SBF2: variants seen among roughly 807,000 people sequenced by gnomAD.
The protein encoded by SBF2 is myotubularin-related protein 13.
SBF2 carries 112 observed loss-of-function variants against 225.2 expected under a neutral mutation model. The ratio of observed to expected loss-of-function variants is 0.50; its 90% CI spans 0.43 to 0.58. The LOEUF (loss-of-function observed/expected upper bound fraction) is 0.58, where lower values mean the gene tolerates loss of function less well. SBF2 is among the 20% of genes least tolerant of loss of function. The pLI, the probability that SBF2 is intolerant of heterozygous loss-of-function variation, is 0.00. For synonymous variants in SBF2, 763 were observed against 773.3 expected (o/e 0.99, Z 0.22); for missense variants, 1,996 against 2,206.2 (o/e 0.90, Z 1.91).
At chr11:10,298,596 G>T (rs1375659982), upstream of SBF2, among the ~76,000 whole-genome samples, 2 of 152,188 alleles carry the variant, frequency 1.3e-5, no homozygotes, top group Non-Finnish European at 2.9e-5. Flanking sequence ...ACCAGGCAGG[G>T]CTGAGGCCTC....
intron 13 of SBF2, among the ~76,000 whole-genome samples, chr11:9,977,264 G>A (rs764555482): frequency 1.1e-4 from 16 of 152,006 alleles, no homozygotes; most frequent in Non-Finnish European, 1.9e-4. Context: ...TAGGAGGACT[G>A]CTTGAGGCTA....
At chr11:10,054,931 A>C (rs1447112966) in intron 2 of SBF2, among the ~76,000 whole-genome samples, 1 of 151,508 alleles carries the variant, frequency 6.6e-6, no homozygotes, top group Non-Finnish European at 1.5e-5. Flanking sequence ...GTTTGTTTTG[A>C]GACAGTCTTG....
At chr11:9,940,778 A>T (rs1177588301) in intron 16 of SBF2, among the ~76,000 whole-genome samples, 1 of 152,212 alleles carries the variant, frequency 6.6e-6, no homozygotes, top group Non-Finnish European at 1.5e-5. Context: ...GCAGCCCAAG[A>T]AGTAAAAAAT....
chr11:9,820,361 T>C (rs560940096), intron 28 of SBF2, among the ~76,000 whole-genome samples: 1 of 152,344 alleles, frequency 6.6e-6, no homozygotes, highest in South Asian at 2.1e-4. Flanking sequence ...GCAGAGGTGC[T>C]GGCTGATGAC....
At chr11:10,137,251 C>T (rs61878654) in intron 2 of SBF2, among the ~76,000 whole-genome samples, 16,364 of 152,196 alleles carry the variant, frequency 0.11, 1,043 homozygotes, top group Non-Finnish European at 0.12. Context: ...ATCTCATAAC[C>T]TGTGAATCTA....
intron 33 of SBF2, among the ~76,000 whole-genome samples, chr11:9,792,545 G>C (rs1852818266): frequency 6.6e-6 from 1 of 152,138 alleles, no homozygotes; most frequent in African/African-American, 2.4e-5. Flanking sequence ...TCCTAAACAA[G>C]GTTTCACTGT....
chr11:10,071,894 T>G (rs1172609106), intron 2 of SBF2, among the ~76,000 whole-genome samples: 1 of 152,192 alleles, frequency 6.6e-6, no homozygotes, highest in African/African-American at 2.4e-5. Context: ...TGGATTTGGT[T>G]TGCCAGTATT....
At chr11:9,824,231 G>C (rs1013619788) in intron 28 of SBF2, among the ~76,000 whole-genome samples, 19 of 152,184 alleles carry the variant, frequency 1.2e-4, no homozygotes, top group African/African-American at 4.6e-4. Context: ...AAGAGTTGGA[G>C]GCCAGTGTTA....
At chr11:9,853,048 T>A (rs1317083882) in intron 20 of SBF2, among the ~76,000 whole-genome samples, 2 of 152,182 alleles carry the variant, frequency 1.3e-5, no homozygotes, top group Non-Finnish European at 2.9e-5. Flanking sequence ...GGGACAGCCA[T>A]ACCATGGAAA....
intron 2 of SBF2, among the ~76,000 whole-genome samples, chr11:10,137,893 G>A (rs555657924): frequency 6.6e-5 from 10 of 152,096 alleles, no homozygotes; most frequent in African/African-American, 1.7e-4. Context: ...CTGTAATCTC[G>A]GGAGGCTGAG....
At chr11:10,212,153 CTAA>C (rs1957964256) in intron 1 of SBF2, among the ~76,000 whole-genome samples, 3 of 152,154 alleles carry the variant, frequency 2.0e-5, no homozygotes, top group African/African-American at 7.2e-5. Flanking sequence ...GATATGGGAA[CTAA>C]TTTGGGGATT....
At chr11:9,799,645 C>G (rs1853363810) in intron 32 of SBF2, among the ~76,000 whole-genome samples, 1 of 152,180 alleles carries the variant, frequency 6.6e-6, no homozygotes, top group South Asian at 2.1e-4. Flanking sequence ...CATTAAGAAA[C>G]ATAAGGAATT....
intron 2 of SBF2, among the ~76,000 whole-genome samples, chr11:10,147,893 AC>A (rs1954963758): frequency 6.6e-6 from 1 of 152,180 alleles, no homozygotes; most frequent in Non-Finnish European, 1.5e-5. Context: ...AATAGCAGCT[AC>A]TAGAAAAAGT....
At chr11:10,146,860 A>C (rs1954910920) in intron 2 of SBF2, among the ~76,000 whole-genome samples, 1 of 152,162 alleles carries the variant, frequency 6.6e-6, no homozygotes, top group Non-Finnish European at 1.5e-5. Context: ...TAAGGAACTT[A>C]AATTTGCAAG....
Position 9,832,571 on chromosome 11 carries a change from G to A in SBF2, c.3456-151C>T, listed in dbSNP as rs138440521. The A allele has an allele frequency of 1.7e-4, 112 of 660,664 alleles. No homozygotes were observed. The African/African-American group carries it at 1.7e-3, about 10-fold the overall frequency. 40.9% of individuals were successfully genotyped at this position (660,664 alleles called of 1,614,324 possible). Reference sequence around the variant, plus strand: ...TTTTCTAAGATTCAGAAACATATTAGTTGAAGGGTAAGATATATTTATTTT... The same window carrying A: ...TTTTCTAAGATTCAGAAACATATTAATTGAAGGGTAAGATATATTTATTTT... On this transcript the variant is annotated intron_variant, in intron 26 of 39. Coordinates refer to ENST00000256190, the MANE Select transcript of SBF2 (RefSeq NM_030962.4).
chr11:10,139,141 T>A (rs1954527010), intron 2 of SBF2, among the ~76,000 whole-genome samples: 1 of 152,084 alleles, frequency 6.6e-6, no homozygotes, highest in Non-Finnish European at 1.5e-5. Context: ...TGGGAAGGAG[T>A]GTGTATTATT....
intron 6 of SBF2, among the ~76,000 whole-genome samples, chr11:10,023,952 C>A (rs1482981204): frequency 6.6e-6 from 1 of 152,054 alleles, no homozygotes; most frequent in African/African-American, 2.4e-5. Flanking sequence ...ACACAAATAT[C>A]ATCCAGAAAG....
intron 36 of SBF2, among the ~76,000 whole-genome samples, chr11:9,786,675 T>C (rs1852392872): frequency 1.3e-5 from 2 of 152,228 alleles, no homozygotes; most frequent in Non-Finnish European, 2.9e-5. Flanking sequence ...GTGGGTTCGA[T>C]TGGTGGCTCT....
At chr11:10,110,459 T>C (rs189844551) in intron 2 of SBF2, among the ~76,000 whole-genome samples, 14 of 152,252 alleles carry the variant, frequency 9.2e-5, no homozygotes, top group Admixed American at 7.2e-4. Context: ...ATTCCTTCAG[T>C]TTTAACTAAA....
Sources: allele counts gnomAD v4.1 joint callset (sites outside exome capture counted in the v4.1 genomes callset), GRCh38; gene constraint gnomAD v4.1.1; transcripts MANE v1.5; gene names NCBI Gene and HGNC (gene_info 2026-07-23, HGNC 2026-07-21).